The following INPP5A variants were observed in gnomAD, a reference collection of about 807,000 sequenced individuals.
INPP5A encodes inositol polyphosphate-5-phosphatase A.
INPP5A carries 14 observed loss-of-function variants against 65.2 expected under a neutral mutation model. The observed-to-expected ratio is 0.21, with a 90% CI of 0.14 to 0.34. The LOEUF (loss-of-function observed/expected upper bound fraction) is 0.34, where lower values mean the gene tolerates loss of function less well. INPP5A is among the 10% of genes least tolerant of loss of function. INPP5A has a pLI of 1.00. For missense variants in INPP5A, 431 were observed against 545.6 expected (o/e 0.79, Z 2.09); for synonymous variants, 207 against 208.3 (o/e 0.99, Z 0.05).
In INPP5A at chr10:132,674,032, G is replaced by T. The variant is rs1306823740; in HGVS notation, c.307-16360G>T. Among the ~76,000 whole-genome samples, 2 of 152,190 alleles carry T rather than the reference G, an allele frequency of 1.3e-5. No homozygotes were observed. Among genetic ancestry groups the T allele is most frequent in the African/African-American group, 4.8e-5 (2 of 41,430 alleles). On this transcript the variant is annotated intron_variant, in intron 4 of 15. Transcript: ENST00000368594. The surrounding 1 kb of genome is among the most constrained non-coding windows in gnomAD (Gnocchi z 4.4). ...TCATGGGCCTATTGGACAATGACAG[G>T]GGTGGCTTGGGAAAGAGGCTGAATG...
chr10:132,770,885 G>C (rs887007609), intron 12 of INPP5A, among the ~76,000 whole-genome samples: 1 of 152,130 alleles, frequency 6.6e-6, no homozygotes, highest in Non-Finnish European at 1.5e-5. Flanking sequence ...ACCTTCCTCA[G>C]AATATGGCAG....
chr10:132,586,039 G>A (rs978111538), intron 1 of INPP5A, among the ~76,000 whole-genome samples: 5 of 152,206 alleles, frequency 3.3e-5, no homozygotes, highest in Non-Finnish European at 5.9e-5. Flanking sequence ...CCTGGCCAGC[G>A]CTTCTGTCCG....
chr10:132,779,069 G>A (rs778359650), intron 13 of INPP5A, among the ~76,000 whole-genome samples: 1 of 152,250 alleles, frequency 6.6e-6, no homozygotes, highest in African/African-American at 2.4e-5. Flanking sequence ...GGCTGGAGGC[G>A]GGGCCCCTTG....
At position 132,741,884 on chromosome 10, in the gene INPP5A, C is replaced by T. The variant is rs1846279491; in HGVS notation, c.733-7633C>T. On this transcript the variant is annotated intron_variant, in intron 9 of 15. Coordinates refer to ENST00000368594, the MANE Select transcript of INPP5A (RefSeq NM_005539.5). The surrounding 1 kb of genome is among the most constrained non-coding windows in gnomAD (Gnocchi z 4.4). ...ATATAAACTGCAGCTGGCTGCAGCA[C>T]CCACGAATGGCTTCTTTCCGAGATG... 6.6e-6 allele frequency among the ~76,000 whole-genome samples: 1 copy of T among 152,182 alleles called. No homozygotes were observed. The highest frequency in any genetic ancestry group is 2.1e-4 in the South Asian group (1 of 4,832).
intron 6 of INPP5A, among the ~76,000 whole-genome samples, chr10:132,701,680 T>TG (rs1463277779): frequency 6.6e-6 from 1 of 152,126 alleles, no homozygotes; most frequent in African/African-American, 2.4e-5. Context: ...GGTGCGCCCG[T>TG]GGGGGCGTGG....
At chr10:132,690,105 T>C (rs1475352294) in intron 4 of INPP5A, among the ~76,000 whole-genome samples, 1 of 151,942 alleles carries the variant, frequency 6.6e-6, no homozygotes, top group Non-Finnish European at 1.5e-5. Context: ...GCTGCACGGC[T>C]CACCTGGGAA....
intron 11 of INPP5A, among the ~76,000 whole-genome samples, chr10:132,752,334 CAG>C (rs1846501013): frequency 6.6e-6 from 1 of 151,440 alleles, no homozygotes; most frequent in South Asian, 2.1e-4. Flanking sequence ...AGCTAGGAGA[CAG>C]GGAAGAGGGA....
intron 1 of INPP5A, among the ~76,000 whole-genome samples, chr10:132,602,821 A>G (rs1222599985): frequency 6.6e-6 from 1 of 152,116 alleles, no homozygotes; most frequent in East Asian, 1.9e-4. Flanking sequence ...TCTGTCATCC[A>G]CTATTGAGTG....
intron 11 of INPP5A, among the ~76,000 whole-genome samples, chr10:132,755,965 C>T (rs1447038804): frequency 6.6e-6 from 1 of 152,202 alleles, no homozygotes; most frequent in Non-Finnish European, 1.5e-5. Flanking sequence ...AGACATATGT[C>T]CAGGCACACC....
rs936792213 is a variant in INPP5A at position 132,587,752 on chromosome 10, C to T, written c.76-20163C>T. 6.6e-6 allele frequency among the ~76,000 whole-genome samples: 1 copy of T among 151,898 alleles called. No individual in the cohort carries two copies. The highest frequency in any genetic ancestry group is 2.1e-4 in the South Asian group (1 of 4,822). On this transcript the variant is annotated intron_variant, in intron 1 of 15. Transcript: ENST00000368594. The surrounding 1 kb of genome is among the most constrained non-coding windows in gnomAD (Gnocchi z 4.3). ...GGCATGGTGGCTCATGCCTGTAATCCCCCAGCACTTTGGGAGGCCGAGGCG... is the reference window on the plus strand; with the variant it reads ...GGCATGGTGGCTCATGCCTGTAATCTCCCAGCACTTTGGGAGGCCGAGGCG...
At chr10:132,737,476 C>T (rs907650083) in intron 9 of INPP5A, among the ~76,000 whole-genome samples, 4 of 152,254 alleles carry the variant, frequency 2.6e-5, no homozygotes, top group African/African-American at 7.2e-5. Flanking sequence ...TGTTAGTCAT[C>T]GTCAAGTTCT....
At chr10:132,572,241 G>C (rs960451257) in intron 1 of INPP5A, among the ~76,000 whole-genome samples, 1 of 152,212 alleles carries the variant, frequency 6.6e-6, no homozygotes, top group African/African-American at 2.4e-5. Flanking sequence ...TGGCCCATGG[G>C]GGGGCCTTCA....
chr10:132,774,579 C>T (rs1053617378), intron 12 of INPP5A, among the ~76,000 whole-genome samples: 5 of 152,170 alleles, frequency 3.3e-5, no homozygotes, highest in Non-Finnish European at 7.4e-5. Flanking sequence ...CTCCCAGGCC[C>T]GTTGGTCTCT....
Position 132,627,190 on chromosome 10 carries a change from A to T in INPP5A, c.118-18678A>T, listed in dbSNP as rs139942949. Among the ~76,000 whole-genome samples, 761 of 152,298 alleles carry T rather than the reference A, an allele frequency of 5.0e-3. 5 individuals carry two copies. The highest frequency in any genetic ancestry group is 0.016 in the African/African-American group (683 of 41,556). On this transcript the variant is annotated intron_variant, in intron 2 of 15. Transcript: ENST00000368594. The surrounding 1 kb of genome is among the most constrained non-coding windows in gnomAD (Gnocchi z 6.6). ...GCCGGCTTCTTGGCCTCAGACTGAC[A>T]GCTCCAGAACTGGGAGAAATACGTG...
chr10:132,613,207 G>A (rs572126522), intron 2 of INPP5A, among the ~76,000 whole-genome samples: 41 of 152,342 alleles, frequency 2.7e-4, no homozygotes, highest in Middle Eastern at 3.4e-3. Context: ...TTCTGAGCGA[G>A]GTGGTTCCTC....
intron 8 of INPP5A, among the ~76,000 whole-genome samples, chr10:132,712,247 T>C (rs906647511): frequency 2.0e-5 from 3 of 151,854 alleles, no homozygotes; most frequent in African/African-American, 7.3e-5. Context: ...CTTGTGTGCA[T>C]GCAATTATGT....
Position 132,675,451 on chromosome 10 carries a change from G to C in INPP5A, c.307-14941G>C, listed in dbSNP as rs555052402. On this transcript the variant is annotated intron_variant, in intron 4 of 15. Coordinates refer to ENST00000368594, the MANE Select transcript of INPP5A (RefSeq NM_005539.5). The surrounding 1 kb of genome is among the most constrained non-coding windows in gnomAD (Gnocchi z 4.2). ...GGAATGAGACTCAAGGCAGTTGGGG[G>C]AAGCGGGCAAATGGCCATGGGCATT... Among the ~76,000 whole-genome samples, 2 of 152,258 alleles carry C rather than the reference G, an allele frequency of 1.3e-5. No homozygotes were observed. Among genetic ancestry groups the C allele is most frequent in the Non-Finnish European group, 2.9e-5 (2 of 68,050 alleles).
At chr10:132,590,856 G>A (rs1043805485) in intron 1 of INPP5A, among the ~76,000 whole-genome samples, 2 of 152,088 alleles carry the variant, frequency 1.3e-5, no homozygotes, top group Non-Finnish European at 1.5e-5. Flanking sequence ...TGCTCGCTCC[G>A]TGGTTAGCTG....
chr10:132,730,778 A>T (rs560495660), intron 9 of INPP5A, among the ~76,000 whole-genome samples: 1 of 152,288 alleles, frequency 6.6e-6, no homozygotes, highest in Admixed American at 6.5e-5. Flanking sequence ...TCCTGCTGTG[A>T]GCCTGACCGC....
Sources: allele counts gnomAD v4.1 joint callset (sites outside exome capture counted in the v4.1 genomes callset), GRCh38; gene constraint gnomAD v4.1.1; non-coding constraint Gnocchi (gnomAD v3.1); transcripts MANE v1.5; gene names NCBI Gene and HGNC (gene_info 2026-07-23, HGNC 2026-07-21).